Variants in GNAS observed in about 807,000 individuals in gnomAD.
GNAS encodes the protein protein ALEX.
In GNAS, 8 loss-of-function variants were observed where a neutral mutation model predicts 54.5. The observed-to-expected ratio is 0.15, with a 90% CI of 0.09 to 0.26. GNAS has a LOEUF of 0.26. GNAS is among the 10% of genes least tolerant of loss of function. The probability of loss-of-function intolerance (pLI) is 1.00; values close to 1 mark genes in which losing one functional copy is unlikely to be tolerated. For synonymous variants in GNAS, 204 were observed against 191.4 expected (o/e 1.07, Z -0.54); for missense variants, 170 against 529.8 (o/e 0.32, Z 6.67).
intron 1 of GNAS, chr20:58,855,223 T>C (rs2086417899): frequency 6.3e-7 from 1 of 1,597,168 alleles, no homozygotes; most frequent in African/African-American, 1.3e-5. Flanking sequence ...AAAGAAGCCC[T>C]GGAGAAGCGG....
At chr20:58,881,716 A>G (rs1280225540) in intron 1 of GNAS, 1 of 152,166 alleles carries the variant, frequency 6.6e-6, no homozygotes, top group Non-Finnish European at 1.5e-5. Context: ...AGGGGCTCCC[A>G]TACCCGGGGG....
intron 1 of GNAS, among the ~76,000 whole-genome samples, chr20:58,871,649 C>CAAAAAAAAA (rs2087473250): frequency 1.4e-5 from 1 of 70,998 alleles, no homozygotes; most frequent in Non-Finnish European, 2.8e-5. Context: ...AAAAAAAAAC[C>CAAAAAAAAA]AAAAAAATTA....
chr20:58,883,524 C>T (rs1456790390), intron 1 of GNAS, among the ~76,000 whole-genome samples: 8 of 152,082 alleles, frequency 5.3e-5, no homozygotes, highest in Non-Finnish European at 7.3e-5. Flanking sequence ...AAACGCTTGC[C>T]GCTTGGGCTG....
chr20:58,883,492 A>C (rs1228671245), intron 1 of GNAS, among the ~76,000 whole-genome samples: 1 of 152,106 alleles, frequency 6.6e-6, no homozygotes, highest in Non-Finnish European at 1.5e-5. Context: ...TCTCCTTTTC[A>C]TCTGATCCCC....
At position 58,857,384 on chromosome 20, in the gene GNAS, C is replaced by T. The variant is rs1194208843; in HGVS notation, c.43+16498C>T. Among the ~76,000 whole-genome samples the T allele has an allele frequency of 6.6e-6, 1 of 152,210 alleles. No individual in the cohort carries two copies. The highest frequency in any genetic ancestry group is 6.5e-5 in the Admixed American group (1 of 15,288). On this transcript the variant is annotated intron_variant, in intron 1 of 12. Coordinates refer to the GNAS transcript ENST00000306090. This position sits in a 1 kb window ranked among gnomAD's most constrained non-coding sequence, Gnocchi z 4.1. ...CTACCAAACATTAAATGACAATGCA[C>T]TGGTTTCCCTGCAGACAACTGATTT...
At chr20:58,901,696 C>T (rs539379473) in intron 3 of GNAS, among the ~76,000 whole-genome samples, 50 of 152,230 alleles carry the variant, frequency 3.3e-4, no homozygotes, top group African/African-American at 1.2e-3. Context: ...GAGATGGGAT[C>T]CTTCAGCAGG....
chr20:58,870,207 G>T (rs79140245), intron 1 of GNAS, among the ~76,000 whole-genome samples: 2 of 152,184 alleles, frequency 1.3e-5, no homozygotes, highest in Non-Finnish European at 2.9e-5. Flanking sequence ...TAAGGTAAAC[G>T]TCCCTCCCAC....
intron 1 of GNAS, chr20:58,855,860 C>G (rs1347286191): frequency 1.8e-6 from 1 of 556,950 alleles, no homozygotes; most frequent in African/African-American, 1.9e-5. Context: ...TGTTCCTATC[C>G]CGGCACCCCC....
chr20:58,855,722 TG>T, intron 1 of GNAS: 1 of 629,270 alleles, frequency 1.6e-6, no homozygotes, highest in Non-Finnish European at 2.9e-6. Flanking sequence ...CACGGTGGGC[TG>T]GGGTCATTGG....
rs577751261 is a variant in GNAS, at chr20:58,853,190, A to AT, written c.43+12310dup. ...CTTTGATTTTAAAATAATAATAATA[A>AT]TTTTTTCACCCTAGTTCGGTTGGGT... On this transcript the variant is annotated intron_variant, in intron 1 of 12. Transcript: ENST00000306090. The surrounding 1 kb of genome is among the most constrained non-coding windows in gnomAD (Gnocchi z 4.4). 1.9e-3 allele frequency: 2,728 copies of AT among 1,450,512 alleles called. 69 individuals are homozygous for AT. The South Asian group carries it at 0.038, about 20-fold the overall frequency. 89.9% of individuals were successfully genotyped at this position (1,450,512 alleles called of 1,614,324 possible).
At chr20:58,899,495 C>G (rs150061093) in intron 3 of GNAS, 3 of 541,478 alleles carry the variant, frequency 5.5e-6, no homozygotes, top group Non-Finnish European at 1.1e-5. Context: ...AGAATCATCT[C>G]GAAAAGCCTC....
Position 58,882,696 on chromosome 20 carries a change from C to T in GNAS, c.44-12916C>T, listed in dbSNP as rs114907956. Among the ~76,000 whole-genome samples, 526 of 152,290 alleles carry T rather than the reference C, an allele frequency of 3.5e-3. 3 individuals are homozygous for T. The highest frequency in any genetic ancestry group is 0.031 in the Middle Eastern group (9 of 294). ...GCTACTGTTCACCTATTAACTCTTT[C>T]AGGATTTCATGGTGGTGGGGTGGAG... On this transcript the variant is annotated intron_variant, in intron 1 of 12. Transcript: ENST00000306090.
intron 1 of GNAS, among the ~76,000 whole-genome samples, chr20:58,860,187 A>G (rs1453210139): frequency 6.6e-6 from 1 of 151,738 alleles, no homozygotes; most frequent in African/African-American, 2.4e-5. Context: ...GAGCTCCCCC[A>G]TTTCTGAGAT....
At chr20:58,855,411 G>T in intron 1 of GNAS, 2 of 1,331,718 alleles carry the variant, frequency 1.5e-6, no homozygotes, top group South Asian at 1.3e-5. Context: ...GCCTGGTGGG[G>T]CTAGGGGCTC....
intron 1 of GNAS, among the ~76,000 whole-genome samples, chr20:58,867,027 A>G (rs1285708150): frequency 6.6e-6 from 1 of 152,256 alleles, no homozygotes; most frequent in Non-Finnish European, 1.5e-5. Context: ...TTGTCTGAAG[A>G]CTAGCTTTTT....
intron 1 of GNAS, among the ~76,000 whole-genome samples, chr20:58,871,131 GGGAAGAGCAGGGA>G (rs2087417751): frequency 6.6e-6 from 1 of 152,120 alleles, no homozygotes; most frequent in Admixed American, 6.5e-5. Context: ...TTCGCTAGCG[GGGAAGAGCAGGGA>G]AAGAATTGAG....
intron 1 of GNAS, chr20:58,850,727 G>C (rs2086126254): frequency 5.0e-6 from 2 of 398,734 alleles, no homozygotes; most frequent in Non-Finnish European, 8.8e-6. Flanking sequence ...CCAAGGGTTG[G>C]CCCCTGGGAC....
Position 58,853,237 on chromosome 20 carries a change from A to T in GNAS, c.43+12351A>T. The T allele has an allele frequency of 2.0e-6, 3 of 1,519,678 alleles. No individual in the cohort carries two copies. Among genetic ancestry groups the T allele is most frequent in the Non-Finnish European group, 2.7e-6 (3 of 1,128,658 alleles). The allele number at this position is 1,519,678 out of a possible 1,614,324, so 94.1% of individuals were successfully genotyped here. On this transcript the variant is annotated intron_variant, in intron 1 of 12. Transcript: ENST00000306090. This position sits in a 1 kb window ranked among gnomAD's most constrained non-coding sequence, Gnocchi z 4.4. ...GGGTGCTCCATCTTACGGAGCCCCA[A>T]ACTTATTTTGAGAGGCCGCCACCGT... is the stretch of plus-strand genomic sequence containing the variant.
At chr20:58,852,170 C>G (rs953889639) in intron 1 of GNAS, among the ~76,000 whole-genome samples, 2 of 152,056 alleles carry the variant, frequency 1.3e-5, no homozygotes, top group Middle Eastern at 3.2e-3. Flanking sequence ...CCGAGACCTT[C>G]TTATTCCCCT....
Sources: gnomAD v4.1 joint callset for allele counts (sites outside exome capture counted in the v4.1 genomes callset) on GRCh38, gnomAD v4.1.1 for gene constraint, Gnocchi (gnomAD v3.1) non-coding constraint, MANE v1.5 for transcripts, NCBI Gene and HGNC (gene_info 2026-07-23, HGNC 2026-07-21) for gene names.